The following NME7 variants were observed in gnomAD, a reference collection of about 807,000 sequenced individuals.
NME7 encodes the protein nucleoside diphosphate kinase 7.
Under a neutral mutation model 49.1 loss-of-function variants are expected in NME7, and 41 were observed. The ratio of observed to expected loss-of-function variants is 0.83; its 90% confidence interval spans 0.65 to 1.08. NME7 has a LOEUF of 1.08. Ranked by LOEUF, NME7 falls within the 50% of genes least tolerant of loss-of-function variation. The pLI is 0.00. For missense variants in NME7, 423 were observed against 463.4 expected (o/e 0.91, Z 0.80); for synonymous variants, 139 against 150.6 (o/e 0.92, Z 0.56).
At chr1:169,241,969 A>G (rs1042889060) in intron 7 of NME7, among the ~76,000 whole-genome samples, 4 of 151,920 alleles carry the variant, frequency 2.6e-5, no homozygotes, top group Non-Finnish European at 4.4e-5. Flanking sequence ...TATTTACTTA[A>G]TATGAGAAAG....
chr1:169,279,683 C>T (rs995501847), intron 7 of NME7, among the ~76,000 whole-genome samples: 4 of 152,180 alleles, frequency 2.6e-5, no homozygotes, highest in African/African-American at 4.8e-5. Context: ...GCGCATGATG[C>T]GCTGCACCCA....
chr1:169,217,827 C>T (rs2101802032), intron 10 of NME7, among the ~76,000 whole-genome samples: 1 of 152,270 alleles, frequency 6.6e-6, no homozygotes, highest in Middle Eastern at 3.4e-3. Context: ...TCACTGTTTA[C>T]TTCCTCACCT....
intron 10 of NME7, among the ~76,000 whole-genome samples, chr1:169,227,867 T>C (rs1336956118): frequency 6.6e-6 from 1 of 152,198 alleles, no homozygotes; most frequent in Non-Finnish European, 1.5e-5. Context: ...TCTGGGTTCC[T>C]AGAGTACCCG....
intron 6 of NME7, among the ~76,000 whole-genome samples, chr1:169,290,702 G>C (rs1027074764): frequency 6.6e-6 from 1 of 152,062 alleles, no homozygotes; most frequent in South Asian, 2.1e-4. Context: ...CATAGCAAAA[G>C]AGAAATTATC....
chr1:169,343,108 G>A (rs1222097277), intron 1 of NME7, among the ~76,000 whole-genome samples: 2 of 149,906 alleles, frequency 1.3e-5, no homozygotes, highest in Non-Finnish European at 3.0e-5. Flanking sequence ...AGTTCCACAC[G>A]ATTTTTTGTT....
chr1:169,355,108 ATATATAATATAC>A (rs1391450642), intron 1 of NME7, among the ~76,000 whole-genome samples: 1 of 48,476 alleles, frequency 2.1e-5, no homozygotes, highest in Non-Finnish European at 3.5e-5. Flanking sequence ...TATAGATATA[ATATATAATATAC>A]TATATATTAT....
rs1443442747 is a variant in NME7 at position 169,354,960 on chromosome 1, ATATATAATATAATTATATATGTTT to A, written c.3+12724_3+12747del. Among the ~76,000 whole-genome samples the A allele has an allele frequency of 1.4e-3, 76 of 53,388 alleles. 3 individuals are homozygous for A. The highest frequency in any genetic ancestry group is 2.3e-3 in the Non-Finnish European group (56 of 24,618). The allele number at this position is 53,388 out of a possible 152,430, so 35.0% of individuals were successfully genotyped here. On this transcript the variant is annotated intron_variant, in intron 1 of 11. Transcript: ENST00000367811. ...TATGTATTATATATTATATATGTTT[ATATATAATATAATTATATATGTTT>A]ATATATAATATAATTATATATGTTT...
intron 7 of NME7, chr1:169,283,749 T>C (rs1488031485): frequency 1.3e-5 from 2 of 152,214 alleles, no homozygotes; most frequent in South Asian, 2.1e-4. Flanking sequence ...AAAATTCTTT[T>C]CTTTAAGAAT....
At chr1:169,231,982 A>C (rs961263379) in intron 9 of NME7, among the ~76,000 whole-genome samples, 2 of 151,366 alleles carry the variant, frequency 1.3e-5, no homozygotes, top group Non-Finnish European at 3.0e-5. Context: ...GTAGGAAAAT[A>C]CTAACCATTA....
chr1:169,268,447 C>T (rs1253052099), intron 7 of NME7, among the ~76,000 whole-genome samples: 1 of 133,128 alleles, frequency 7.5e-6, no homozygotes, highest in African/African-American at 2.5e-5. Flanking sequence ...GGGTACATAC[C>T]CAGAGGAATA....
intron 1 of NME7, among the ~76,000 whole-genome samples, chr1:169,329,270 T>C (rs1199506349): frequency 1.3e-5 from 2 of 152,022 alleles, no homozygotes; most frequent in Admixed American, 1.3e-4. Flanking sequence ...AGCTTCAACT[T>C]CCTTGTTCCT....
chr1:169,199,447 TTTTTTATTATTATTA>T (rs1161167252), intron 10 of NME7, among the ~76,000 whole-genome samples: 997 of 86,158 alleles, frequency 0.012, 10 homozygotes, highest in African/African-American at 0.036. Context: ...ACCCAGGGTC[TTTTTTATTATTATTA>T]TTATTATTAT....
At chr1:169,136,897 G>T (rs1658449098) in intron 11 of NME7, among the ~76,000 whole-genome samples, 1 of 152,140 alleles carries the variant, frequency 6.6e-6, no homozygotes, top group Admixed American at 6.5e-5. Context: ...TTTTCCAATG[G>T]TTTTTAATGT....
intron 1 of NME7, among the ~76,000 whole-genome samples, chr1:169,337,111 C>T (rs1032281463): frequency 5.3e-5 from 8 of 152,196 alleles, no homozygotes; most frequent in African/African-American, 9.7e-5. Context: ...TGGGACTGGG[C>T]GCCATGGAGC....
intron 1 of NME7, among the ~76,000 whole-genome samples, chr1:169,330,265 C>G (rs1179949054): frequency 6.6e-6 from 1 of 152,148 alleles, no homozygotes; most frequent in Non-Finnish European, 1.5e-5. Flanking sequence ...AAAAAACTCA[C>G]TGGTAATAGT....
chr1:169,346,796 T>A (rs1043125878), intron 1 of NME7, among the ~76,000 whole-genome samples: 3 of 152,230 alleles, frequency 2.0e-5, no homozygotes, highest in African/African-American at 7.2e-5. Context: ...ATTTGTTGAA[T>A]GAATAAATTT....
rs184108380 is a variant in NME7, at chr1:169,264,973, T to C, written c.754+22330A>G. 2.3e-4 allele frequency among the ~76,000 whole-genome samples: 31 copies of C among 132,926 alleles called. 6 individuals carry two copies. Among genetic ancestry groups the C allele is most frequent in the Admixed American group, 1.9e-3 (25 of 13,438 alleles). The allele number at this position is 132,926 out of a possible 152,430, so 87.2% of individuals were successfully genotyped here. On this transcript the variant is annotated intron_variant, in intron 7 of 11. Coordinates refer to ENST00000367811, the MANE Select transcript of NME7 (RefSeq NM_013330.5). ...GCAGAAGGGGAAGCAAACATGTCCT[T>C]CACATGGCGGCAACAAAGAGAAGTG...
At chr1:169,192,424 C>G (rs1448180985) in intron 10 of NME7, among the ~76,000 whole-genome samples, 1 of 152,010 alleles carries the variant, frequency 6.6e-6, no homozygotes, top group Non-Finnish European at 1.5e-5. Flanking sequence ...ACAAAATTTA[C>G]ATAGCATTTA....
rs200805339 is a variant in NME7, at chr1:169,277,258, C to T, written c.754+10045G>A. On this transcript the variant is annotated intron_variant, in intron 7 of 11. Transcript: ENST00000367811. ...GGGTATGCTTGTTGACTTTCTGTCT[C>T]GTTGATCTGTCTAATGTTGACAGTG... 0.061 allele frequency among the ~76,000 whole-genome samples: 8,710 copies of T among 142,122 alleles called. 1,251 individuals carry two copies. The East Asian group carries it at 0.69, about 11-fold the overall frequency. 93.2% of individuals were successfully genotyped at this position (142,122 alleles called of 152,430 possible). A position where few individuals can be genotyped will look rare whatever the true frequency, so the allele number is the denominator to read the frequency against.
Sources: allele counts gnomAD v4.1 joint callset (sites outside exome capture counted in the v4.1 genomes callset), GRCh38; gene constraint gnomAD v4.1.1; transcripts MANE v1.5; gene names NCBI Gene and HGNC (gene_info 2026-07-23, HGNC 2026-07-21).